The following NFKBIE variants were observed in gnomAD, a reference collection of about 807,000 sequenced individuals.
NFKBIE encodes the protein NF-kappa-B inhibitor epsilon.
A neutral mutation model predicts 31.6 loss-of-function variants in NFKBIE; 11 were observed. The observed-to-expected ratio is 0.35, with a 90% CI of 0.22 to 0.58. The LOEUF is 0.58. Among genes scored for constraint, NFKBIE ranks in the 20% least tolerant of loss-of-function variants. The pLI, the probability that NFKBIE is intolerant of heterozygous loss-of-function variation, is 0.83. For missense variants in NFKBIE, 354 were observed against 465.7 expected (o/e 0.76, Z 2.21); for synonymous variants, 208 against 210.1 (o/e 0.99, Z 0.09).
Position 44,260,230 on chromosome 6 carries a change from C to A in NFKBIE, c.833G>T (p.Arg278Leu). ...ALHLAVETQE[R>L]GLVQFLLQAG... Reference sequence around the variant, plus strand: ...CTGGAGCAGGAACTGTACCAGGCCCCGCTCTTGGGTTTCCACAGCCAGGTG... The same window carrying A: ...CTGGAGCAGGAACTGTACCAGGCCCAGCTCTTGGGTTTCCACAGCCAGGTG... The change falls in exon 5 of 6, where the codon CGG becomes CTG. Residue 278 changes from arginine (R) to leucine (L), a missense_variant. Around this residue, in one of 2 missense-constraint regions of NFKBIE, gnomAD observed 183 missense variants for 310.6 expected, o/e 0.59. Transcript: ENST00000619360. The surrounding 1 kb of genome is among the most constrained non-coding windows in gnomAD (Gnocchi z 5.5). 6.2e-7 allele frequency: 1 copy of A among 1,613,486 alleles called. No homozygotes were observed. Among genetic ancestry groups the A allele is most frequent in the Non-Finnish European group, 8.5e-7 (1 of 1,179,450 alleles).
At position 44,258,814 on chromosome 6, in the gene NFKBIE, TGGGACACCTCTCA is replaced by T. The variant is rs1245896938; in HGVS notation, c.*392_*404del. On this transcript the variant is annotated 3_prime_UTR_variant, in exon 6 of 6. Coordinates refer to ENST00000619360, the MANE Select transcript of NFKBIE (RefSeq NM_004556.3). Reference sequence around the variant, plus strand: ...TTCAGGGTCCTCAACAGCAATAAGATGGGACACCTCTCAGGGTTCTGCTTGCTCCTATTTCAGT... The same window carrying T: ...TTCAGGGTCCTCAACAGCAATAAGATGGGTTCTGCTTGCTCCTATTTCAGT... 1 of 163,858 alleles carries T rather than the reference TGGGACACCTCTCA, an allele frequency of 6.1e-6. No individual in the cohort carries two copies. Among genetic ancestry groups the T allele is most frequent in the Non-Finnish European group, 1.3e-5 (1 of 74,500 alleles). The allele number at this position is 163,858 out of a possible 1,614,324, so 10.2% of individuals were successfully genotyped here.
chr6:44,262,445 C>A, intron 2 of NFKBIE, 115 bp downstream of exon 2: 1 of 844,356 alleles, frequency 1.2e-6, no homozygotes, highest in Non-Finnish European at 1.9e-6. Context: ...CAGTTTCTAG[C>A]TCAGTGTCTG....
Position 44,265,502 on chromosome 6 carries a change from G to T in NFKBIE, c.-156C>A. The T allele has an allele frequency of 6.5e-7, 1 of 1,540,982 alleles. No individual in the cohort carries two copies. Among genetic ancestry groups the T allele is most frequent in the East Asian group, 2.5e-5 (1 of 40,468 alleles). ...CTGTGGGGCTCCGAGGGGCCGGCGC[G>T]CAGCGAGGACAAGGTTCGGAGCGCT... is the stretch of plus-strand genomic sequence containing the variant. On this transcript the variant is annotated 5_prime_UTR_variant, in exon 1 of 6. Coordinates refer to ENST00000619360, the MANE Select transcript of NFKBIE (RefSeq NM_004556.3).
In NFKBIE at chr6:44,260,476, C is replaced by A. The variant is rs770506005; in HGVS notation, c.755G>T (p.Arg252Leu). ...KNQPLMELLL[R>L]NGADIDVQEG... ...CTGCACATCAATGTCAGCTCCATTC[C>A]GAAGCAGCAATTCCATGAGTGGTTG... The change falls in exon 4 of 6, where the codon CGG becomes CTG. Residue 252 changes from arginine to leucine, a missense_variant. By Grantham distance (102) the Arg-to-Leu change is moderately radical (BLOSUM62 -2). Transcript: ENST00000619360. This position sits in a 1 kb window ranked among gnomAD's most constrained non-coding sequence, Gnocchi z 5.5. 6.2e-7 allele frequency: 1 copy of A among 1,614,008 alleles called. No individual in the cohort carries two copies. Among genetic ancestry groups the A allele is most frequent in the East Asian group, 2.2e-5 (1 of 44,888 alleles).
chr6:44,259,098 TG>T lies in NFKBIE; in HGVS notation c.*120del. The T allele has an allele frequency of 2.9e-6, 3 of 1,023,860 alleles. No individual in the cohort carries two copies. Among genetic ancestry groups the T allele is most frequent in the Non-Finnish European group, 4.5e-6 (3 of 665,938 alleles). 63.4% of individuals were successfully genotyped at this position (1,023,860 alleles called of 1,614,324 possible). A position where few individuals can be genotyped will look rare whatever the true frequency, so the allele number is the denominator to read the frequency against. On this transcript the variant is annotated 3_prime_UTR_variant, in exon 6 of 6. Transcript: ENST00000619360. ...GACTGTACTGGCTGGCCCCAGGCTC[TG>T]GCCACAGCAGTCCCTAGGGCACCAG...
chr6:44,259,387 A>G, intron 5 of NFKBIE, 103 bp from the exon 6 acceptor site: 1 of 813,612 alleles, frequency 1.2e-6, no homozygotes, highest in Non-Finnish European at 2.1e-6. Flanking sequence ...TCCCCACCAA[A>G]TGACAGTTGA....
In NFKBIE at chr6:44,261,921, G is replaced by T; in HGVS notation, c.469-73C>A. ...CCTCTGGGAACATGCTTGGGCTCAA[G>T]AATCACCAGCTGCCAGCATCTTCTT... On this transcript the variant is annotated intron_variant, in intron 2 of 5. Coordinates refer to ENST00000619360, the MANE Select transcript of NFKBIE (RefSeq NM_004556.3). This position sits in a 1 kb window ranked among gnomAD's most constrained non-coding sequence, Gnocchi z 4.3. The T allele has an allele frequency of 7.3e-7, 1 of 1,363,264 alleles. No homozygotes were observed. The highest frequency in any genetic ancestry group is 1.0e-6 in the Non-Finnish European group (1 of 989,500). The allele number at this position is 1,363,264 out of a possible 1,614,324, so 84.4% of individuals were successfully genotyped here.
rs1478530954 is a variant in NFKBIE at position 44,263,473 on chromosome 6, T to C, written c.366-811A>G. On this transcript the variant is annotated intron_variant, in intron 1 of 5. Coordinates refer to ENST00000619360, the MANE Select transcript of NFKBIE (RefSeq NM_004556.3). The surrounding 1 kb of genome is among the most constrained non-coding windows in gnomAD (Gnocchi z 5.0). ...TGGGGCATTAGTGAGGGGGGTAGAT[T>C]GGCTAAAAGGCCCGTCTGGGCTGGG... is the stretch of plus-strand genomic sequence containing the variant. 1.3e-5 allele frequency among the ~76,000 whole-genome samples: 2 copies of C among 150,974 alleles called. No individual in the cohort carries two copies. Among genetic ancestry groups the C allele is most frequent in the African/African-American group, 2.4e-5 (1 of 40,982 alleles).
rs2153333121 is a variant in NFKBIE, at chr6:44,263,711, CA to C, written c.366-1050del. ...ACTTCCATACCTCCCACAGCCCAGA[CA>C]CCTCCAACAGAGGGAGGAAAGTGCC... On this transcript the variant is annotated intron_variant, in intron 1 of 5. Transcript: ENST00000619360. This position sits in a 1 kb window ranked among gnomAD's most constrained non-coding sequence, Gnocchi z 5.0. 6.6e-6 allele frequency among the ~76,000 whole-genome samples: 1 copy of C among 152,206 alleles called. No individual in the cohort carries two copies. The highest frequency in any genetic ancestry group is 2.1e-4 in the South Asian group (1 of 4,824).
intron 1 of NFKBIE, among the ~76,000 whole-genome samples, chr6:44,264,315 G>A (rs977901365): frequency 2.6e-5 from 4 of 152,248 alleles, no homozygotes; most frequent in African/African-American, 9.6e-5. Flanking sequence ...GTCTGGAGGA[G>A]GAAGGGTTAA....
intron 5 of NFKBIE, 60 bp from the exon 6 acceptor site, chr6:44,259,344 A>G: frequency 7.5e-7 from 1 of 1,335,984 alleles, no homozygotes; most frequent in Non-Finnish European, 1.1e-6. Flanking sequence ...GACTTGGGAA[A>G]GGGGACCCAG....
intron 1 of NFKBIE, among the ~76,000 whole-genome samples, chr6:44,264,469 G>A (rs922828948): frequency 6.6e-6 from 1 of 152,098 alleles, no homozygotes; most frequent in African/African-American, 2.4e-5. Flanking sequence ...CTGTCTGCTG[G>A]GGCAAGAGTG....
chr6:44,265,326 C>T lies in NFKBIE; in HGVS notation c.21G>A (p.Gly7=), dbSNP rs781201649. 1.9e-6 allele frequency: 3 copies of T among 1,551,100 alleles called. No individual in the cohort carries two copies. The highest frequency in any genetic ancestry group is 2.4e-5 in the South Asian group (2 of 84,560). The part of the protein sequence containing the change: MSEARK[G]PDEAEESQYD... Reference sequence around the variant, plus strand: ...ACTGGCTCTCCTCCGCCTCGTCCGGCCCCTTCCGCGCCTCCGACATGCCCG... The same window carrying T: ...ACTGGCTCTCCTCCGCCTCGTCCGGTCCCTTCCGCGCCTCCGACATGCCCG... The change falls in exon 1 of 6, where the codon GGG becomes GGA. Residue 7 remains glycine (G), a synonymous_variant. Transcript: ENST00000619360.
Position 44,260,864 on chromosome 6 carries a change from C to CACACACACAG in NFKBIE, c.692-326_692-325insCTGTGTGTGT, listed in dbSNP as rs1554142190. On this transcript the variant is annotated intron_variant, in intron 3 of 5. Transcript: ENST00000619360. This position sits in a 1 kb window ranked among gnomAD's most constrained non-coding sequence, Gnocchi z 5.5. ...ACACACACACACACACATACAGACACACACACACACACACACACACACACA... is the reference window on the plus strand; with the variant it reads ...ACACACACACACACACATACAGACACACACACACAGACACACACACACACACACACACACA... 0.031 allele frequency among the ~76,000 whole-genome samples: 3,281 copies of CACACACACAG among 107,150 alleles called. 61 individuals are homozygous for CACACACACAG. The highest frequency in any genetic ancestry group is 0.092 in the Middle Eastern group (18 of 196). 70.3% of individuals were successfully genotyped at this position (107,150 alleles called of 152,430 possible). A position where few individuals can be genotyped will look rare whatever the true frequency, so the allele number is the denominator to read the frequency against.
Position 44,260,697 on chromosome 6 carries a change from A to G in NFKBIE, c.692-158T>C, listed in dbSNP as rs1454819714. Among the ~76,000 whole-genome samples the G allele has an allele frequency of 6.6e-6, 1 of 152,060 alleles. No homozygotes were observed. Among genetic ancestry groups the G allele is most frequent in the Non-Finnish European group, 1.5e-5 (1 of 67,990 alleles). On this transcript the variant is annotated intron_variant, in intron 3 of 5. Transcript: ENST00000619360. The surrounding 1 kb of genome is among the most constrained non-coding windows in gnomAD (Gnocchi z 5.5). ...AAATGCAAACCCCAAAACCCCCTCA[A>G]AAGTCTAAGGGGAAAGGAACTCAAA...
chr6:44,259,972 T>G lies in NFKBIE; in HGVS notation c.1020+71A>C, dbSNP rs73435655. ...CAGGACTCCTGGCTCCCTGGCCCTT[T>G]CAGCTAATGACAGAACCTCTCTCTG... On this transcript the variant is annotated intron_variant, in intron 5 of 5. Coordinates refer to ENST00000619360, the MANE Select transcript of NFKBIE (RefSeq NM_004556.3). 7.7e-4 allele frequency: 1,210 copies of G among 1,562,448 alleles called. 9 individuals are homozygous for G. In the African/African-American group the frequency reaches 0.015, roughly 19 times the overall value.
rs368295580 is a variant in NFKBIE, at chr6:44,260,904, G to A, written c.692-365C>T. Among the ~76,000 whole-genome samples, 53 of 136,088 alleles carry A rather than the reference G, an allele frequency of 3.9e-4. No individual in the cohort carries two copies. Among genetic ancestry groups the A allele is most frequent in the South Asian group, 7.2e-4 (3 of 4,186 alleles). The allele number at this position is 136,088 out of a possible 152,430, so 89.3% of individuals were successfully genotyped here. The stretch of plus-strand genomic sequence containing the variant: ...ACACACACACACAACCTGCCTTCAA[G>A]CCCAGTCTGAAAGCCACCTTTTCTG... On this transcript the variant is annotated intron_variant, in intron 3 of 5. Transcript: ENST00000619360. The surrounding 1 kb of genome is among the most constrained non-coding windows in gnomAD (Gnocchi z 5.5).
rs922160949 is a variant in NFKBIE at position 44,261,219 on chromosome 6, C to T, written c.691+407G>A. ...TGCTTTTTACTACAGCACTTACTTC[C>T]TTTTAACATATTACATAGTTCACTT... is the stretch of plus-strand genomic sequence containing the variant. On this transcript the variant is annotated intron_variant, in intron 3 of 5. Coordinates refer to ENST00000619360, the MANE Select transcript of NFKBIE (RefSeq NM_004556.3). This position sits in a 1 kb window ranked among gnomAD's most constrained non-coding sequence, Gnocchi z 4.3. Among the ~76,000 whole-genome samples, 2 of 152,220 alleles carry T rather than the reference C, an allele frequency of 1.3e-5. No homozygotes were observed. The highest frequency in any genetic ancestry group is 4.8e-5 in the African/African-American group (2 of 41,452).
In NFKBIE at chr6:44,260,160, G is replaced by C; in HGVS notation, c.903C>G (p.Pro301=). 6.2e-7 allele frequency: 1 copy of C among 1,614,212 alleles called. No homozygotes were observed. Among genetic ancestry groups the C allele is most frequent in the Non-Finnish European group, 8.5e-7 (1 of 1,180,036 alleles). The change falls in exon 5 of 6, where the codon CCC becomes CCG. Residue 301 remains proline, a synonymous_variant. Transcript: ENST00000619360. This position sits in a 1 kb window ranked among gnomAD's most constrained non-coding sequence, Gnocchi z 5.5. ...GACCCCGGCCAGCTGCCAGGTGCAG[G>C]GGTGTGCACCCGTTCAGCATGCGGG... ...VDARMLNGCT[P]LHLAAGRGLM...
Sources: gnomAD v4.1 joint callset for allele counts (sites outside exome capture counted in the v4.1 genomes callset) on GRCh38, gnomAD v4.1.1 for gene constraint, gnomAD v4.1.1 regional missense constraint, Gnocchi (gnomAD v3.1) non-coding constraint, MANE v1.5 for transcripts, NCBI Gene and HGNC (gene_info 2026-07-23, HGNC 2026-07-21) for gene names.